SALL2: variants seen among roughly 807,000 people sequenced by gnomAD.
SALL2 encodes sal-like protein 2.
Under a neutral mutation model 58.5 loss-of-function variants are expected in SALL2, and 32 were observed. That is an observed-to-expected ratio of 0.55 (90% CI 0.41 to 0.74). The LOEUF (loss-of-function observed/expected upper bound fraction) is 0.74, where lower values mean the gene tolerates loss of function less well. Ranked by LOEUF, SALL2 falls within the 30% of genes least tolerant of loss-of-function variation. SALL2 has a pLI of 0.00. For missense variants in SALL2, 1,201 were observed against 1,268.9 expected, an observed-to-expected ratio of 0.95 and a Z score of 0.81; for synonymous variants, 516 against 513.6, an observed-to-expected ratio of 1.00 and a Z score of -0.06.
chr14:21,525,207 C>T lies in SALL2; in HGVS notation c.515G>A (p.Ser172Asn). The T allele has an allele frequency of 6.2e-7, 1 of 1,613,470 alleles. No homozygotes were observed. The highest frequency in any genetic ancestry group is 8.5e-7 in the Non-Finnish European group (1 of 1,179,686). ...GATCAGGGGGATATTCAAGTGGCCA[C>T]TGCCTACCCCTGGGGGCGGAGGGGG... Reference protein sequence around the residue: ...PPPPPPPGVGSGHLNIPLILE... With the variant: ...PPPPPPPGVGNGHLNIPLILE... Residue 172 changes from serine (S) to asparagine (N), a missense_variant, in exon 2 of 2, where the codon AGT becomes AAT. Coordinates refer to ENST00000537235, the MANE Select transcript of SALL2 (RefSeq NM_001364564.1). The surrounding 1 kb of genome is among the most constrained non-coding windows in gnomAD (Gnocchi z 4.4).
Position 21,524,772 on chromosome 14 carries a change from A to G in SALL2, c.950T>C (p.Leu317Pro), listed in dbSNP as rs781686374. ...TAGTCCCGTGGTGCTTGGGAATGCC[A>G]GATGAGGCGAGGCAATCAGCTGATC... ...STDQLIASPHLAFPSTTGLLA... is the reference protein window; with the variant it reads ...STDQLIASPHPAFPSTTGLLA... Residue 317 changes from leucine (L) to proline (P), a missense_variant, in exon 2 of 2, where the codon CTG (leucine) becomes CCG (proline). Transcript: ENST00000537235. 1 of 1,606,640 alleles carries G rather than the reference A, an allele frequency of 6.2e-7. No individual in the cohort carries two copies. Among genetic ancestry groups the G allele is most frequent in the Non-Finnish European group, 8.5e-7 (1 of 1,176,070 alleles).
chr14:21,525,688 G>A lies in SALL2; in HGVS notation c.68-34C>T, dbSNP rs1200068203. On this transcript the variant is annotated intron_variant, in intron 1 of 1. Coordinates refer to ENST00000537235, the MANE Select transcript of SALL2 (RefSeq NM_001364564.1). This position sits in a 1 kb window ranked among gnomAD's most constrained non-coding sequence, Gnocchi z 4.4. ...AAGACAAGGAGAGAGAGCGTGGGTG[G>A]CGCAGTTGGGTTGGGTATACCGAGG... The A allele has an allele frequency of 2.0e-6, 3 of 1,536,386 alleles. No homozygotes were observed. In the African/African-American group the frequency reaches 4.1e-5, roughly 21 times the overall value.
Position 21,522,197 on chromosome 14 carries a change from C to A in SALL2, c.*507G>T. ...TGGTAGTGGAGGTGGAGCTGGAATT[C>A]CAGGGCTTCATGGGCAGGCCATTTG... On this transcript the variant is annotated 3_prime_UTR_variant, in exon 2 of 2. Transcript: ENST00000537235. 1 of 1,597,504 alleles carries A rather than the reference C, an allele frequency of 6.3e-7. No individual in the cohort carries two copies. The highest frequency in any genetic ancestry group is 8.5e-7 in the Non-Finnish European group (1 of 1,179,518).
At chr14:21,528,179 G>A (rs1287368588), upstream of SALL2, among the ~76,000 whole-genome samples, 2 of 151,812 alleles carry the variant, frequency 1.3e-5, no homozygotes, top group African/African-American at 4.8e-5. Context: ...ATGTACATGT[G>A]AGATTTTTAA....
chr14:21,530,230 AT>A (rs1432161575), upstream of SALL2, among the ~76,000 whole-genome samples: 2 of 99,496 alleles, frequency 2.0e-5, no homozygotes, highest in African/African-American at 3.8e-5. Flanking sequence ...CTTGAAGCAT[AT>A]TTTTTTCTTT....
chr14:21,534,068 G>A (rs1159414553), intron 1 of SALL2, among the ~76,000 whole-genome samples: 1 of 152,148 alleles, frequency 6.6e-6, no homozygotes, highest in Non-Finnish European at 1.5e-5. Context: ...AAAAATTAGG[G>A]AAAAGGAGAG....
At position 21,522,226 on chromosome 14, in the gene SALL2, G is replaced by A; in HGVS notation, c.*478C>T. ...GGCTTCATGGGCAGGCCATTTGACA[G>A]GAATGCCACATACTGGTTCTAGAAA... is the stretch of plus-strand genomic sequence containing the variant. On this transcript the variant is annotated 3_prime_UTR_variant, in exon 2 of 2. Coordinates refer to ENST00000537235, the MANE Select transcript of SALL2 (RefSeq NM_001364564.1). 6.3e-7 allele frequency: 1 copy of A among 1,595,584 alleles called. No homozygotes were observed. Among genetic ancestry groups the A allele is most frequent in the South Asian group, 1.1e-5 (1 of 90,252 alleles).
In SALL2 at chr14:21,522,439, G is replaced by A; in HGVS notation, c.*265C>T. 7.1e-7 allele frequency: 1 copy of A among 1,406,252 alleles called. No homozygotes were observed. The highest frequency in any genetic ancestry group is 9.2e-7 in the Non-Finnish European group (1 of 1,083,856). 87.1% of individuals were successfully genotyped at this position (1,406,252 alleles called of 1,614,324 possible). A position where few individuals can be genotyped will look rare whatever the true frequency, so the allele number is the denominator to read the frequency against. ...GAAGAAGGGTCACACCAGGGAAGCT[G>A]GAGAGGGTTCCCCTTGAGAAAGCTG... On this transcript the variant is annotated 3_prime_UTR_variant, in exon 2 of 2. Transcript: ENST00000537235.
At position 21,524,700 on chromosome 14, in the gene SALL2, GC is replaced by G; in HGVS notation, c.1021del (p.Ala341ProfsTer6). On this transcript the variant is annotated frameshift_variant, in exon 2 of 2. Transcript: ENST00000537235. LOFTEE classifies it high-confidence loss of function. ...LGAARGLEAT[A>X]SPGLLKPKNG... is the part of the protein sequence containing the mutation. ...CTTTGGCTTCAGGAGCCCTGGGGAG[GC>G]AGTGGCCTCAAGGCCTCGGGCTGCC... 1 of 1,613,938 alleles carries G rather than the reference GC, an allele frequency of 6.2e-7. No individual in the cohort carries two copies. Among genetic ancestry groups the G allele is most frequent in the Non-Finnish European group, 8.5e-7 (1 of 1,179,994 alleles).
chr14:21,525,025 T>C lies in SALL2; in HGVS notation c.697A>G (p.Thr233Ala). 1.2e-6 allele frequency: 2 copies of C among 1,613,534 alleles called. No individual in the cohort carries two copies. Among genetic ancestry groups the C allele is most frequent in the Non-Finnish European group, 8.5e-7 (1 of 1,179,760 alleles). Residue 233 changes from threonine to alanine, a missense_variant, in exon 2 of 2, where the codon ACC (threonine) becomes GCC (alanine). Coordinates refer to ENST00000537235, the MANE Select transcript of SALL2 (RefSeq NM_001364564.1). The surrounding 1 kb of genome is among the most constrained non-coding windows in gnomAD (Gnocchi z 4.4). Reference sequence around the variant, plus strand: ...CTGAAGAGGGGTAGTAGGGGCTTGGTGGAAGAGGCAGTCCCTGTCCCAGGT... The same window carrying C: ...CTGAAGAGGGGTAGTAGGGGCTTGGCGGAAGAGGCAGTCCCTGTCCCAGGT... Reference protein sequence around the residue: ...ELPGTGTASSTKPLLPLFSPI... With the variant: ...ELPGTGTASSAKPLLPLFSPI...
rs1384763519 is a variant in SALL2 at position 21,526,134 on chromosome 14, G to A, written c.-7C>T. ...TCTCGGATTCGTGCGCCATGGTTGT[G>A]GGGGAAGTGGAGGGCCAGGTGGGGT... is the stretch of plus-strand genomic sequence containing the variant. On this transcript the variant is annotated 5_prime_UTR_variant, in exon 1 of 2. Coordinates refer to ENST00000537235, the MANE Select transcript of SALL2 (RefSeq NM_001364564.1). 2 of 1,540,748 alleles carry A rather than the reference G, an allele frequency of 1.3e-6. No homozygotes were observed. The highest frequency in any genetic ancestry group is 8.7e-7 in the Non-Finnish European group (1 of 1,149,628).
At chr14:21,526,597 C>T (rs1892323729), upstream of SALL2, 3 of 767,156 alleles carry the variant, frequency 3.9e-6, no homozygotes, top group South Asian at 3.7e-5. Flanking sequence ...CCGCCCTCCC[C>T]TCCTAAGCTC....
At chr14:21,531,727 G>A (rs1467784888) in intron 1 of SALL2, among the ~76,000 whole-genome samples, 1 of 110,206 alleles carries the variant, frequency 9.1e-6, no homozygotes, top group Non-Finnish European at 1.8e-5. Flanking sequence ...TTTTTTTTGA[G>A]ACGGAGTCTC....
intron 1 of SALL2, among the ~76,000 whole-genome samples, chr14:21,535,731 C>T (rs141901293): frequency 0.015 from 2,223 of 152,314 alleles, 60 homozygotes; most frequent in African/African-American, 0.05. Context: ...TAATCCTATA[C>T]TATACTGTTG....
In SALL2 at chr14:21,522,013, T is replaced by G. The variant is rs995253498; in HGVS notation, c.*691A>C. On this transcript the variant is annotated 3_prime_UTR_variant, in exon 2 of 2. Coordinates refer to ENST00000537235, the MANE Select transcript of SALL2 (RefSeq NM_001364564.1). ...AAGAAGGAATGTACAGTTTGCTACT[T>G]CTTGTCTATGATGGGCTTCTCAGGC... The G allele has an allele frequency of 1.3e-6, 2 of 1,585,974 alleles. No individual in the cohort carries two copies. The highest frequency in any genetic ancestry group is 2.7e-5 in the African/African-American group (2 of 74,744).
upstream of SALL2, chr14:21,526,558 T>G: frequency 6.5e-6 from 7 of 1,074,950 alleles, no homozygotes; most frequent in South Asian, 2.5e-5. Context: ...CATCTGCAGA[T>G]GCCTTTGCCC....
intron 1 of SALL2, among the ~76,000 whole-genome samples, chr14:21,536,687 C>A (rs1257112975): frequency 6.6e-6 from 1 of 152,196 alleles, no homozygotes; most frequent in Non-Finnish European, 1.5e-5. Flanking sequence ...TTCTCCCCAG[C>A]GCAGGTCATC....
At position 21,523,342 on chromosome 14, in the gene SALL2, T is replaced by C. The variant is rs912415442; in HGVS notation, c.2380A>G (p.Ile794Val). The C allele has an allele frequency of 1.2e-6, 2 of 1,613,726 alleles. No homozygotes were observed. The highest frequency in any genetic ancestry group is 1.7e-6 in the Non-Finnish European group (2 of 1,180,034). The part of the protein sequence containing the change: ...RGSESGGEKA[I>V]SVRGDSEEAS... Reference sequence around the variant, plus strand: ...TCTTCTGAATCACCTCTCACTGATATTGCCTTCTCACCTCCACTCTCTGAG... The same window carrying C: ...TCTTCTGAATCACCTCTCACTGATACTGCCTTCTCACCTCCACTCTCTGAG... Residue 794 changes from isoleucine to valine, a missense_variant, in exon 2 of 2, where the codon ATA becomes GTA. This residue lies in a region of SALL2 where 675 missense variants were observed against 683.8 expected (regional missense o/e 0.99). Transcript: ENST00000537235. The surrounding 1 kb of genome is among the most constrained non-coding windows in gnomAD (Gnocchi z 4.4).
rs1232154472 is a variant in SALL2 at position 21,521,606 on chromosome 14, A to G, written c.*1098T>C. 3 of 184,144 alleles carry G rather than the reference A, an allele frequency of 1.6e-5. No individual in the cohort carries two copies. Among genetic ancestry groups the G allele is most frequent in the East Asian group, 2.7e-4 (2 of 7,522 alleles). 11.4% of individuals were successfully genotyped at this position (184,144 alleles called of 1,614,324 possible). On this transcript the variant is annotated 3_prime_UTR_variant, in exon 2 of 2. Coordinates refer to ENST00000537235, the MANE Select transcript of SALL2 (RefSeq NM_001364564.1). ...AAGAATTTGAGGCCTTTTCCCTTAC[A>G]TCATGTCCCTTTCTTAGTCACATAG...
Sources: allele counts gnomAD v4.1 joint callset (sites outside exome capture counted in the v4.1 genomes callset), GRCh38; gene constraint gnomAD v4.1.1; regional missense constraint gnomAD v4.1.1; non-coding constraint Gnocchi (gnomAD v3.1); transcripts MANE v1.5; gene names NCBI Gene and HGNC (gene_info 2026-07-23, HGNC 2026-07-21).